Variants in P2RX3 observed in about 807,000 individuals in gnomAD.
The protein encoded by P2RX3 is P2X purinoceptor 3.
A neutral mutation model predicts 51.5 loss-of-function variants in P2RX3; 41 were observed. The ratio of observed to expected loss-of-function variants is 0.80; its 90% confidence interval spans 0.62 to 1.03. P2RX3 has a LOEUF of 1.03. P2RX3 is among the 50% of genes least tolerant of loss of function. P2RX3 has a pLI of 0.00. For missense variants in P2RX3, 459 were observed against 522.1 expected, an observed-to-expected ratio of 0.88 and a Z score of 1.18; for synonymous variants, 185 against 191.6, an observed-to-expected ratio of 0.97 and a Z score of 0.29.
At chr11:57,346,969 T>A (rs1046529505) in intron 2 of P2RX3, 147 bp from the exon 3 acceptor site, 2 of 871,742 alleles carry the variant, frequency 2.3e-6, no homozygotes, top group Non-Finnish European at 3.6e-6. Context: ...GAGCCAGCTC[T>A]GCCCCTCACC....
chr11:57,341,293 T>C (rs1308493841), intron 1 of P2RX3, among the ~76,000 whole-genome samples: 1 of 152,164 alleles, frequency 6.6e-6, no homozygotes, highest in Non-Finnish European at 1.5e-5. Flanking sequence ...TTTAAGGCTA[T>C]AGTGTTAATA....
intron 8 of P2RX3, among the ~76,000 whole-genome samples, chr11:57,362,001 A>G (rs1224463090): frequency 2.0e-5 from 3 of 152,138 alleles, no homozygotes; most frequent in Non-Finnish European, 2.9e-5. Context: ...TCTCCCTCTC[A>G]TGACAGCAGA....
intron 8 of P2RX3, among the ~76,000 whole-genome samples, chr11:57,364,135 G>A (rs1022872522): frequency 1.3e-5 from 2 of 152,086 alleles, no homozygotes; most frequent in Non-Finnish European, 1.5e-5. Flanking sequence ...CGGATGACAG[G>A]CCCAGCCTCT....
At chr11:57,352,041 A>G (rs890987637) in intron 8 of P2RX3, among the ~76,000 whole-genome samples, 1 of 152,234 alleles carries the variant, frequency 6.6e-6, no homozygotes, top group Non-Finnish European at 1.5e-5. Flanking sequence ...AAAAAAATAC[A>G]TAAGAATATA....
intron 4 of P2RX3, 143 bp from the exon 5 acceptor site, chr11:57,348,027 G>C: frequency 1.4e-6 from 1 of 703,872 alleles, no homozygotes; most frequent in Non-Finnish European, 2.3e-6. Flanking sequence ...AGAAGCAGCA[G>C]GAGAGAAGTC....
intron 11 of P2RX3, 106 bp from the exon 12 acceptor site, chr11:57,369,777 CT>C (rs1307071610): frequency 1.3e-6 from 1 of 798,212 alleles, no homozygotes. Flanking sequence ...CCTGGCTCCC[CT>C]CATGACTAGG....
chr11:57,357,356 T>C (rs1276869310), intron 8 of P2RX3, among the ~76,000 whole-genome samples: 1 of 152,144 alleles, frequency 6.6e-6, no homozygotes, highest in Non-Finnish European at 1.5e-5. Context: ...GAGAACATTT[T>C]AGAACTGGAT....
intron 8 of P2RX3, among the ~76,000 whole-genome samples, chr11:57,357,755 A>T (rs1278863619): frequency 6.6e-6 from 1 of 152,188 alleles, no homozygotes; most frequent in Non-Finnish European, 1.5e-5. Flanking sequence ...TAAGGAGAAG[A>T]GTTCCAGCCT....
intron 8 of P2RX3, among the ~76,000 whole-genome samples, chr11:57,365,247 C>G (rs1403079286): frequency 6.6e-6 from 1 of 152,198 alleles, no homozygotes; most frequent in Non-Finnish European, 1.5e-5. Flanking sequence ...AGAGACTATA[C>G]ACAAAGGTGC....
At chr11:57,350,296 CTTTTTTTT>C in intron 7 of P2RX3, 1 of 107,196 alleles carries the variant, frequency 9.3e-6, no homozygotes, top group Non-Finnish European at 1.8e-5. Context: ...GAGCCACAAC[CTTTTTTTT>C]TTTTTTTTTT....
intron 4 of P2RX3, among the ~76,000 whole-genome samples, 191 bp downstream of exon 4, chr11:57,347,669 C>T (rs1565064182): frequency 6.6e-6 from 1 of 152,144 alleles, no homozygotes; most frequent in Non-Finnish European, 1.5e-5. Flanking sequence ...AGAGGAGTTC[C>T]CAGTCTAGGA....
rs1383261788 is a variant in P2RX3 at position 57,372,278 on chromosome 11, A to G, written c.*2281A>G. Among the ~76,000 whole-genome samples the G allele has an allele frequency of 1.3e-5, 2 of 152,204 alleles. No individual in the cohort carries two copies. Among genetic ancestry groups the G allele is most frequent in the Admixed American group, 6.5e-5 (1 of 15,286 alleles). ...TTAATCATTCAACATAAAAGCCAAC[A>G]CTGATTACTTACTATTGGCAGGCAA... is the stretch of plus-strand genomic sequence containing the variant. On this transcript the variant is annotated 3_prime_UTR_variant, in exon 12 of 12. Transcript: ENST00000263314.
chr11:57,364,946 C>T (rs1225164568), intron 8 of P2RX3, among the ~76,000 whole-genome samples: 1 of 152,216 alleles, frequency 6.6e-6, no homozygotes. Flanking sequence ...CCTCCCTCAG[C>T]TGCACAGCCC....
rs1856901502 is a variant in P2RX3, at chr11:57,372,350, CAGA to C, written c.*2361_*2363del. On this transcript the variant is annotated 3_prime_UTR_variant, in exon 12 of 12. Transcript: ENST00000263314. ...ATTGTCTAACTCAACCCCCACTTTACAGAAGAAGAAACAGATGCATACTAAAAT... is the reference window on the plus strand; with the variant it reads ...ATTGTCTAACTCAACCCCCACTTTACAGAAGAAACAGATGCATACTAAAAT... Among the ~76,000 whole-genome samples the C allele has an allele frequency of 6.6e-6, 1 of 152,132 alleles. No homozygotes were observed. The highest frequency in any genetic ancestry group is 2.4e-5 in the African/African-American group (1 of 41,412).
Position 57,346,831 on chromosome 11 carries a change from G to A in P2RX3, c.255+152G>A, listed in dbSNP as rs1856443399. On this transcript the variant is annotated intron_variant, in intron 2 of 11. Coordinates refer to ENST00000263314, the MANE Select transcript of P2RX3 (RefSeq NM_002559.5). ...ACCTCTCCCCCAGCAGCTGAGAGCT[G>A]TGTGAGAGCTTGGGCCTGCGGTGCT... is the stretch of plus-strand genomic sequence containing the variant. 5 of 1,222,534 alleles carry A rather than the reference G, an allele frequency of 4.1e-6. No individual in the cohort carries two copies. The Admixed American group carries it at 1.3e-4, about 32-fold the overall frequency. The allele number at this position is 1,222,534 out of a possible 1,614,324, so 75.7% of individuals were successfully genotyped here.
intron 8 of P2RX3, among the ~76,000 whole-genome samples, chr11:57,365,802 C>T (rs61888890): frequency 0.032 from 4,928 of 152,334 alleles, 119 homozygotes; most frequent in Non-Finnish European, 0.053. Flanking sequence ...TAGTGGCATA[C>T]GTTCTCCTTC....
intron 8 of P2RX3, among the ~76,000 whole-genome samples, chr11:57,360,182 A>G (rs1856692320): frequency 6.6e-6 from 1 of 151,960 alleles, no homozygotes; most frequent in African/African-American, 2.4e-5. Context: ...TCCCACATAT[A>G]TTTTCCTACT....
chr11:57,370,810 C>T lies in P2RX3; in HGVS notation c.*813C>T, dbSNP rs1590646605. Among the ~76,000 whole-genome samples the T allele has an allele frequency of 6.6e-6, 1 of 152,222 alleles. No individual in the cohort carries two copies. The highest frequency in any genetic ancestry group is 2.4e-5 in the African/African-American group (1 of 41,460). On this transcript the variant is annotated 3_prime_UTR_variant, in exon 12 of 12. Coordinates refer to ENST00000263314, the MANE Select transcript of P2RX3 (RefSeq NM_002559.5). Reference sequence around the variant, plus strand: ...TTCTCTGGGACCCCACACCCACACACATCTGGGCCCCCTCACTCTGGGGAT... The same window carrying T: ...TTCTCTGGGACCCCACACCCACACATATCTGGGCCCCCTCACTCTGGGGAT...
chr11:57,359,961 GCT>G (rs964131478), intron 8 of P2RX3, among the ~76,000 whole-genome samples: 13 of 152,280 alleles, frequency 8.5e-5, no homozygotes, highest in South Asian at 6.2e-4. Flanking sequence ...TAGAGCTACT[GCT>G]CTCATCTCCA....
Sources: allele counts gnomAD v4.1 joint callset (sites outside exome capture counted in the v4.1 genomes callset), GRCh38; gene constraint gnomAD v4.1.1; transcripts MANE v1.5; gene names NCBI Gene and HGNC (gene_info 2026-07-23, HGNC 2026-07-21).